The following DIP2B variants were observed in gnomAD, a reference collection of about 807,000 sequenced individuals.
The protein encoded by DIP2B is DIP2 acetate--CoA ligase B (putative).
DIP2B carries 76 observed loss-of-function variants against 198.0 expected under a neutral mutation model. That is an observed-to-expected ratio of 0.38 (90% CI 0.32 to 0.46). The LOEUF is 0.46. DIP2B is among the 20% of genes least tolerant of loss of function. The pLI is 0.99. For missense variants in DIP2B, 1,559 were observed against 1,978.4 expected (o/e 0.79, Z 4.02); for synonymous variants, 701 against 739.1 (o/e 0.95, Z 0.84).
At chr12:50,511,174 G>C in intron 1 of DIP2B, among the ~76,000 whole-genome samples, 1 of 150,768 alleles carries the variant, frequency 6.6e-6, no homozygotes, top group Non-Finnish European at 1.5e-5. Context: ...TCGAACTCTT[G>C]ACCTTGTGAT....
intron 1 of DIP2B, among the ~76,000 whole-genome samples, chr12:50,588,913 G>C (rs1002930887): frequency 6.6e-5 from 10 of 152,064 alleles, no homozygotes; most frequent in Non-Finnish European, 1.3e-4. Context: ...TGCTGGGCGC[G>C]GTGGCTCACG....
intron 1 of DIP2B, among the ~76,000 whole-genome samples, chr12:50,543,093 C>G (rs1356994990): frequency 6.6e-6 from 1 of 151,964 alleles, no homozygotes; most frequent in Non-Finnish European, 1.5e-5. Flanking sequence ...AGGCTGGTCT[C>G]AAACTCCTGG....
chr12:50,681,443 CA>C (rs568239172), intron 9 of DIP2B, among the ~76,000 whole-genome samples: 1 of 149,570 alleles, frequency 6.7e-6, no homozygotes, highest in South Asian at 2.1e-4. Flanking sequence ...ACAACAACAA[CA>C]AAAAAAAAGC....
chr12:50,540,547 C>CTTTT (rs55910419), intron 1 of DIP2B, among the ~76,000 whole-genome samples: 15 of 128,414 alleles, frequency 1.2e-4, no homozygotes, highest in African/African-American at 1.1e-4. Context: ...TAAAAAAATT[C>CTTTT]TTTTTTTTTT....
chr12:50,592,862 T>A (rs1958831715), intron 1 of DIP2B, among the ~76,000 whole-genome samples: 1 of 152,200 alleles, frequency 6.6e-6, no homozygotes, highest in Non-Finnish European at 1.5e-5. Flanking sequence ...AGCCTGTCAG[T>A]AATAGGTGCT....
chr12:50,522,795 G>A (rs899384874), intron 1 of DIP2B, among the ~76,000 whole-genome samples: 11 of 152,160 alleles, frequency 7.2e-5, no homozygotes, highest in African/African-American at 2.4e-4. Flanking sequence ...AAACCTAGTC[G>A]TCTGAAAGAA....
Position 50,675,399 on chromosome 12 carries a change from G to C in DIP2B, c.867G>C (p.Arg289Ser), listed in dbSNP as rs752071579. 2 of 1,613,866 alleles carry C rather than the reference G, an allele frequency of 1.2e-6. No individual in the cohort carries two copies. Among genetic ancestry groups the C allele is most frequent in the Non-Finnish European group, 1.7e-6 (2 of 1,179,854 alleles). The stretch of plus-strand genomic sequence containing the variant: ...TGAACACTCTGAAACGACCCAAAAG[G>C]CCTCCCTTAAAGGAATTTTTTGTGG... The part of the protein sequence containing the change: ...QLLNTLKRPK[R>S]PPLKEFFVDD... Residue 289 changes from arginine (R) to serine (S), a missense_variant, in exon 7 of 38, where the codon AGG becomes AGC. Physicochemically the swap from Arg to Ser is moderately radical, Grantham distance 110. Transcript: ENST00000301180.
intron 9 of DIP2B, among the ~76,000 whole-genome samples, chr12:50,681,091 T>C (rs1214289222): frequency 6.6e-6 from 1 of 152,174 alleles, no homozygotes; most frequent in Non-Finnish European, 1.5e-5. Context: ...CAACAAAACT[T>C]ACTCTCTGAT....
chr12:50,635,483 C>T (rs952318), intron 2 of DIP2B, among the ~76,000 whole-genome samples: 1 of 151,992 alleles, frequency 6.6e-6, no homozygotes, highest in African/African-American at 2.4e-5. Flanking sequence ...CCAAACGTGG[C>T]TTCCTTTTGT....
At chr12:50,570,954 A>G (rs1958607469) in intron 1 of DIP2B, among the ~76,000 whole-genome samples, 1 of 152,212 alleles carries the variant, frequency 6.6e-6, no homozygotes, top group Non-Finnish European at 1.5e-5. Flanking sequence ...TATTAAATGT[A>G]GCAAAATTAC....
At chr12:50,683,115 C>T (rs1253883553) in intron 9 of DIP2B, 23 bp from the exon 10 acceptor site, 1 of 1,571,132 alleles carries the variant, frequency 6.4e-7, no homozygotes, top group Admixed American at 1.8e-5. Context: ...CTCTGTTAAA[C>T]TGAATATCAT....
intron 1 of DIP2B, among the ~76,000 whole-genome samples, chr12:50,548,985 C>T (rs1024757761): frequency 1.3e-5 from 2 of 152,200 alleles, no homozygotes; most frequent in Admixed American, 6.5e-5. Flanking sequence ...ACACAGGTTA[C>T]AGCTTATTCA....
chr12:50,651,308 G>T (rs1938448544), intron 3 of DIP2B, among the ~76,000 whole-genome samples: 1 of 152,108 alleles, frequency 6.6e-6, no homozygotes, highest in African/African-American at 2.4e-5. Context: ...TTGTTTCTGT[G>T]ATGTGCAGAA....
intron 22 of DIP2B, among the ~76,000 whole-genome samples, chr12:50,709,758 G>A (rs1939580605): frequency 6.6e-6 from 1 of 152,046 alleles, no homozygotes; most frequent in African/African-American, 2.4e-5. Flanking sequence ...CTATGATCAT[G>A]CCACTACAGT....
chr12:50,546,405 G>A (rs758056863), intron 1 of DIP2B, among the ~76,000 whole-genome samples: 2 of 152,206 alleles, frequency 1.3e-5, no homozygotes, highest in Non-Finnish European at 2.9e-5. Flanking sequence ...GAGTTGTGAA[G>A]AATTCTGAGG....
chr12:50,647,571 AC>A (rs1230382362), intron 3 of DIP2B, among the ~76,000 whole-genome samples: 2 of 152,148 alleles, frequency 1.3e-5, no homozygotes, highest in Admixed American at 1.3e-4. Context: ...AGAGGTCAGT[AC>A]CTTAGAAATT....
At chr12:50,674,686 A>C in intron 6 of DIP2B, 57 bp downstream of exon 6, 3 of 1,599,164 alleles carry the variant, frequency 1.9e-6, no homozygotes, top group Middle Eastern at 1.7e-4. Context: ...GAAAAATTCA[A>C]ATTATGAATG....
At chr12:50,715,846 A>G (rs1305536033) in intron 23 of DIP2B, among the ~76,000 whole-genome samples, 4 of 152,272 alleles carry the variant, frequency 2.6e-5, no homozygotes, top group Non-Finnish European at 4.4e-5. Context: ...TTAAGGAAGA[A>G]GAATAGGATA....
At chr12:50,717,532 A>AT (rs1350170289) in intron 23 of DIP2B, among the ~76,000 whole-genome samples, 2 of 151,098 alleles carry the variant, frequency 1.3e-5, no homozygotes, top group East Asian at 3.9e-4. Flanking sequence ...TACCCGGCTA[A>AT]TTTTTTTTGT....
Sources: gnomAD v4.1 joint callset for allele counts (sites outside exome capture counted in the v4.1 genomes callset) on GRCh38, gnomAD v4.1.1 for gene constraint, MANE v1.5 for transcripts, NCBI Gene and HGNC (gene_info 2026-07-23, HGNC 2026-07-21) for gene names.